The following FHOD3 variants were observed in gnomAD, a reference collection of about 807,000 sequenced individuals.
FHOD3 encodes the protein FH1/FH2 domain-containing protein 3.
A neutral mutation model predicts 173.0 loss-of-function variants in FHOD3; 90 were observed. That is an observed-to-expected ratio of 0.52 (90% CI 0.44 to 0.62). FHOD3 has a LOEUF of 0.62. Ranked by LOEUF, FHOD3 falls within the 20% of genes least tolerant of loss-of-function variation. The pLI, the probability that FHOD3 is intolerant of heterozygous loss-of-function variation, is 0.00. For synonymous variants in FHOD3, 828 were observed against 823.0 expected (o/e 1.01, Z -0.10); for missense variants, 1,945 against 2,034.7 (o/e 0.96, Z 0.85).
intron 5 of FHOD3, among the ~76,000 whole-genome samples, chr18:36,540,245 T>G (rs923573477): frequency 1.3e-5 from 2 of 152,244 alleles, no homozygotes; most frequent in African/African-American, 2.4e-5. Flanking sequence ...TTATTTACCT[T>G]ATTTATATTT....
At chr18:36,430,904 C>CA (rs1404149391) in intron 3 of FHOD3, among the ~76,000 whole-genome samples, 2 of 151,798 alleles carry the variant, frequency 1.3e-5, no homozygotes, top group Non-Finnish European at 2.9e-5. Context: ...AACTGGATGC[C>CA]AAAAACCTGC....
At chr18:36,628,317 T>A (rs995511033) in intron 10 of FHOD3, among the ~76,000 whole-genome samples, 1 of 152,126 alleles carries the variant, frequency 6.6e-6, no homozygotes, top group African/African-American at 2.4e-5. Flanking sequence ...ATATCCAAAG[T>A]ATACAGACTC....
intron 3 of FHOD3, among the ~76,000 whole-genome samples, chr18:36,499,127 A>G (rs1460227137): frequency 6.6e-6 from 1 of 150,454 alleles, no homozygotes; most frequent in African/African-American, 2.4e-5. Context: ...TGTTTGAGAC[A>G]GGTTCTTGCC....
At chr18:36,736,747 A>G (rs868820896) in intron 20 of FHOD3, among the ~76,000 whole-genome samples, 12 of 152,192 alleles carry the variant, frequency 7.9e-5, no homozygotes, top group Non-Finnish European at 1.5e-4. Context: ...GGGGCAGACC[A>G]GGAGTGGTTT....
chr18:36,570,979 C>T (rs1487935376), intron 5 of FHOD3, among the ~76,000 whole-genome samples: 2 of 152,126 alleles, frequency 1.3e-5, no homozygotes, highest in Non-Finnish European at 2.9e-5. Flanking sequence ...TGTTCACTCT[C>T]ACCACGCCCA....
At chr18:36,326,936 G>A (rs763418272) in intron 1 of FHOD3, among the ~76,000 whole-genome samples, 7 of 152,116 alleles carry the variant, frequency 4.6e-5, no homozygotes, top group South Asian at 2.1e-4. Flanking sequence ...TTCTCAGCTC[G>A]GACTTTGGCA....
intron 28 of FHOD3, among the ~76,000 whole-genome samples, chr18:36,769,662 C>G (rs2043289387): frequency 6.6e-6 from 1 of 152,144 alleles, no homozygotes; most frequent in Admixed American, 6.5e-5. Flanking sequence ...CTAGGCCTCT[C>G]TCAATTCATA....
At chr18:36,630,761 C>A (rs779100378) in intron 10 of FHOD3, among the ~76,000 whole-genome samples, 1 of 152,318 alleles carries the variant, frequency 6.6e-6, no homozygotes, top group South Asian at 2.1e-4. Context: ...CCGATACTTT[C>A]AACTGATGGT....
At chr18:36,430,481 T>C (rs986410522) in intron 3 of FHOD3, among the ~76,000 whole-genome samples, 2 of 152,224 alleles carry the variant, frequency 1.3e-5, no homozygotes, top group African/African-American at 4.8e-5. Context: ...CTCCCAAAAG[T>C]GCTGGGATTA....
chr18:36,605,860 T>C (rs963002850), intron 8 of FHOD3, among the ~76,000 whole-genome samples: 24 of 152,292 alleles, frequency 1.6e-4, no homozygotes, highest in African/African-American at 5.5e-4. Context: ...TTTCTAAGTA[T>C]TGATATCAAC....
chr18:36,566,666 G>A (rs1049892959), intron 5 of FHOD3, among the ~76,000 whole-genome samples: 2 of 152,166 alleles, frequency 1.3e-5, no homozygotes, highest in Non-Finnish European at 2.9e-5. Flanking sequence ...CATCAAAGGC[G>A]GGAGACCAGC....
At chr18:36,694,277 T>C (rs1466278746) in intron 17 of FHOD3, among the ~76,000 whole-genome samples, 7 of 152,216 alleles carry the variant, frequency 4.6e-5, no homozygotes, top group Non-Finnish European at 1.0e-4. Flanking sequence ...GTTGACTAAA[T>C]ATGGCATAAA....
intron 18 of FHOD3, among the ~76,000 whole-genome samples, chr18:36,715,860 T>A (rs565879888): frequency 6.6e-6 from 1 of 152,188 alleles, no homozygotes; most frequent in South Asian, 2.1e-4. Flanking sequence ...AGGTCAAGGA[T>A]AAAATTGTGT....
At chr18:36,631,250 C>T (rs141723029) in intron 10 of FHOD3, among the ~76,000 whole-genome samples, 246 of 152,252 alleles carry the variant, frequency 1.6e-3, no homozygotes, top group African/African-American at 5.6e-3. Flanking sequence ...CAAATCCTCA[C>T]CAGAGGGGTG....
rs190859944 is a variant in FHOD3 at position 36,612,757 on chromosome 18, A to G, written c.957+662A>G. The stretch of plus-strand genomic sequence containing the variant: ...ATATAAGAGCCTTTAACTTGTAGGC[A>G]GAATCAGCCAAATTACCTAAATCAT... On this transcript the variant is annotated intron_variant, in intron 9 of 28. Transcript: ENST00000590592. Among the ~76,000 whole-genome samples, 14 of 152,380 alleles carry G rather than the reference A, an allele frequency of 9.2e-5. No individual in the cohort carries two copies. In the East Asian group the frequency reaches 1.2e-3, roughly 13 times the overall value.
intron 10 of FHOD3, among the ~76,000 whole-genome samples, chr18:36,640,275 A>G (rs1320427484): frequency 3.9e-5 from 6 of 152,212 alleles, no homozygotes; most frequent in Non-Finnish European, 5.9e-5. Context: ...CTTGGCTGGT[A>G]AAATCTTTTG....
Position 36,501,929 on chromosome 18 carries a change from C to G in FHOD3, c.338-3C>G. On this transcript the variant is annotated splice_polypyrimidine_tract_variant and splice_region_variant and intron_variant, in intron 3 of 28. Transcript: ENST00000590592. ...AATTTATATGTTTTATTCTTTATTT[C>G]AGAAAAACTATACAACTCCAGCGGA... The G allele has an allele frequency of 6.3e-7, 1 of 1,590,670 alleles. No homozygotes were observed. The highest frequency in any genetic ancestry group is 8.6e-7 in the Non-Finnish European group (1 of 1,165,338).
Position 36,649,395 on chromosome 18 carries a change from G to A in FHOD3, c.1276G>A (p.Gly426Ser), listed in dbSNP as rs1250566699. Residue 426 changes from glycine (G) to serine (S), a missense_variant, in exon 11 of 29, where the codon GGC (glycine) becomes AGC (serine). Around this residue, in one of 5 missense-constraint regions of FHOD3, gnomAD observed 1,099 missense variants for 1,051.2 expected, o/e 1.05. Transcript: ENST00000590592. Reference sequence around the variant, plus strand: ...GAGAGAGGATGATGCTTCCTGTCAGGGCAAGGACAGGTACCTAGGACTGGA... The same window carrying A: ...GAGAGAGGATGATGCTTCCTGTCAGAGCAAGGACAGGTACCTAGGACTGGA... ...EEREDDASCQ[G>S]KDSKVGAASG... The A allele has an allele frequency of 3.3e-6, 5 of 1,534,966 alleles. No individual in the cohort carries two copies. The highest frequency in any genetic ancestry group is 4.4e-6 in the Non-Finnish European group (5 of 1,146,308).
chr18:36,645,793 CA>C (rs1429395952), intron 10 of FHOD3, among the ~76,000 whole-genome samples: 3 of 151,950 alleles, frequency 2.0e-5, no homozygotes, highest in African/African-American at 7.2e-5. Flanking sequence ...GTTGGCTTAA[CA>C]TTTTTTTTAA....
Sources: allele counts gnomAD v4.1 joint callset (sites outside exome capture counted in the v4.1 genomes callset), GRCh38; gene constraint gnomAD v4.1.1; regional missense constraint gnomAD v4.1.1; transcripts MANE v1.5; gene names NCBI Gene and HGNC (gene_info 2026-07-23, HGNC 2026-07-21).